The following CHSY1 variants were observed in gnomAD, a reference collection of about 807,000 sequenced individuals.
The protein encoded by CHSY1 is N-acetylgalactosaminyl-proteoglycan 3-beta-glucuronosyltransferase 1.
A neutral mutation model predicts 59.8 loss-of-function variants in CHSY1; 13 were observed. That is an observed-to-expected ratio of 0.22 (90% CI 0.14 to 0.35). The LOEUF (loss-of-function observed/expected upper bound fraction) is 0.35. Among genes scored for constraint, CHSY1 ranks in the 10% least tolerant of loss-of-function variants. The pLI is 1.00. For missense variants in CHSY1, 947 were observed against 1,030.6 expected, an observed-to-expected ratio of 0.92 and a Z score of 1.11; for synonymous variants, 459 against 401.2, an observed-to-expected ratio of 1.14 and a Z score of -1.72.
chr15:101,237,584 C>T (rs554754659), intron 1 of CHSY1, among the ~76,000 whole-genome samples: 4 of 152,128 alleles, frequency 2.6e-5, no homozygotes, highest in East Asian at 3.9e-4. Context: ...TGGTCAACTG[C>T]GAGGAAACCA....
At position 101,177,679 on chromosome 15, in the gene CHSY1, C is replaced by G. The variant is rs1348696066; in HGVS notation, c.2118G>C (p.Val706=). The change falls in exon 3 of 3, where the codon GTG becomes GTC. Residue 706 remains valine, a synonymous_variant. Coordinates refer to ENST00000254190, the MANE Select transcript of CHSY1 (RefSeq NM_014918.5). The part of the protein sequence containing the change: ...TCIYKGDLVR[V]GGFDVSIQGW... ...CTTGGATGGAAACATCAAAGCCACC[C>G]ACTCGGACAAGATCTCCCTTATAAA... 6.2e-7 allele frequency: 1 copy of G among 1,614,068 alleles called. No individual in the cohort carries two copies. The highest frequency in any genetic ancestry group is 1.3e-5 in the African/African-American group (1 of 74,916).
intron 2 of CHSY1, among the ~76,000 whole-genome samples, chr15:101,225,668 T>C (rs888991043): frequency 2.0e-5 from 3 of 152,170 alleles, no homozygotes; most frequent in East Asian, 3.9e-4. Flanking sequence ...CCTTCCACCA[T>C]GAGTAAAAGC....
intron 2 of CHSY1, among the ~76,000 whole-genome samples, chr15:101,219,655 C>T (rs79199984): frequency 0.036 from 5,410 of 152,222 alleles, 248 homozygotes; most frequent in African/African-American, 0.1. Flanking sequence ...TCTCAGGCTG[C>T]CACTGAGGTT....
intron 2 of CHSY1, among the ~76,000 whole-genome samples, chr15:101,223,282 T>C (rs1484037994): frequency 1.3e-5 from 2 of 152,200 alleles, no homozygotes; most frequent in Non-Finnish European, 2.9e-5. Context: ...TGAGCCACCA[T>C]GCCCGGCCAA....
In CHSY1 at chr15:101,193,060, C is replaced by A. The variant is rs201151203; in HGVS notation, c.817-14080G>T. On this transcript the variant is annotated intron_variant, in intron 2 of 2. Transcript: ENST00000254190. ...GTAATCCGACGAGGTAGCTCTGTTA[C>A]TGTGCACGTTTTACTTTCAGGGATA... is the stretch of plus-strand genomic sequence containing the variant. Among the ~76,000 whole-genome samples the A allele has an allele frequency of 4.6e-5, 7 of 152,352 alleles. No homozygotes were observed. In the East Asian group the frequency reaches 1.4e-3, roughly 29 times the overall value.
chr15:101,247,064 A>G (rs9672295), intron 1 of CHSY1, among the ~76,000 whole-genome samples: 47,827 of 152,120 alleles, frequency 0.31, 10,416 homozygotes, highest in African/African-American at 0.62. Flanking sequence ...TTATGTGTTA[A>G]CTTACAGAAC....
chr15:101,243,124 G>A (rs781314819), intron 1 of CHSY1, among the ~76,000 whole-genome samples: 7 of 152,092 alleles, frequency 4.6e-5, no homozygotes, highest in African/African-American at 7.2e-5. Flanking sequence ...AAGCCCAGAC[G>A]GCATTCCAAG....
At chr15:101,198,973 T>G (rs1050381976) in intron 2 of CHSY1, among the ~76,000 whole-genome samples, 13 of 152,086 alleles carry the variant, frequency 8.5e-5, no homozygotes, top group Non-Finnish European at 1.0e-4. Context: ...TTACTGGAGG[T>G]AAACCAGGCA....
intron 2 of CHSY1, among the ~76,000 whole-genome samples, chr15:101,183,653 G>A (rs2038311020): frequency 6.6e-6 from 1 of 152,210 alleles, no homozygotes; most frequent in African/African-American, 2.4e-5. Flanking sequence ...AGACGCATGG[G>A]CCAGAATGAC....
At chr15:101,219,129 T>G (rs2038764003) in intron 2 of CHSY1, among the ~76,000 whole-genome samples, 1 of 152,178 alleles carries the variant, frequency 6.6e-6, no homozygotes, top group Admixed American at 6.5e-5. Context: ...GAATGCAGTT[T>G]AAATGGGGTT....
intron 1 of CHSY1, among the ~76,000 whole-genome samples, chr15:101,243,719 C>A (rs1377575908): frequency 1.3e-5 from 2 of 152,234 alleles, no homozygotes; most frequent in South Asian, 4.1e-4. Context: ...GACTTGAAAA[C>A]CTGGACAAAA....
chr15:101,218,422 C>T (rs2038756437), intron 2 of CHSY1, among the ~76,000 whole-genome samples: 1 of 152,000 alleles, frequency 6.6e-6, no homozygotes, highest in African/African-American at 2.4e-5. Context: ...CATGGTGAAA[C>T]CCCGTCTCTA....
chr15:101,203,596 T>C (rs1262478259), intron 2 of CHSY1, among the ~76,000 whole-genome samples: 1 of 152,200 alleles, frequency 6.6e-6, no homozygotes, highest in African/African-American at 2.4e-5. Context: ...AATATTTCCC[T>C]ATAAGGTATT....
intron 1 of CHSY1, among the ~76,000 whole-genome samples, chr15:101,248,824 C>T (rs1021538306): frequency 6.6e-6 from 1 of 152,062 alleles, no homozygotes; most frequent in Admixed American, 6.5e-5. Flanking sequence ...TCTTGCTCTG[C>T]CCCCCAGGAT....
intron 2 of CHSY1, among the ~76,000 whole-genome samples, chr15:101,216,635 T>G (rs1038837478): frequency 6.6e-6 from 1 of 152,164 alleles, no homozygotes; most frequent in Non-Finnish European, 1.5e-5. Flanking sequence ...GAAAGAGCTA[T>G]GTATGGTATG....
chr15:101,187,176 T>C (rs1262068358), intron 2 of CHSY1, among the ~76,000 whole-genome samples: 1 of 152,174 alleles, frequency 6.6e-6, no homozygotes, highest in African/African-American at 2.4e-5. Flanking sequence ...GTAATGACAT[T>C]TTTGTTATAA....
intron 2 of CHSY1, among the ~76,000 whole-genome samples, chr15:101,223,286 C>T (rs1334382230): frequency 2.0e-5 from 3 of 152,188 alleles, no homozygotes; most frequent in Non-Finnish European, 2.9e-5. Flanking sequence ...CCACCATGCC[C>T]GGCCAACTAC....
At chr15:101,226,595 T>A (rs533398854) in intron 2 of CHSY1, among the ~76,000 whole-genome samples, 2 of 152,160 alleles carry the variant, frequency 1.3e-5, no homozygotes, top group East Asian at 1.9e-4. Flanking sequence ...GCCTCGTCAC[T>A]CCACTCATGC....
rs1001866321 is a variant in CHSY1, at chr15:101,235,439, G to A, written c.459C>T (p.Leu153=). The A allele has an allele frequency of 1.2e-6, 2 of 1,614,126 alleles. No homozygotes were observed. The highest frequency in any genetic ancestry group is 1.1e-5 in the South Asian group (1 of 91,080). The stretch of plus-strand genomic sequence containing the variant: ...CCAAGTAGTGGTCGTGCATGTACTT[G>A]AGCATCATGAAGGACTTCTTCTGGG... ...YPPQKKSFMM[L]KYMHDHYLDK... Residue 153 remains leucine (L), a synonymous_variant, in exon 2 of 3, where the codon CTC becomes CTT. Coordinates refer to ENST00000254190, the MANE Select transcript of CHSY1 (RefSeq NM_014918.5).
Sources: allele counts gnomAD v4.1 joint callset (sites outside exome capture counted in the v4.1 genomes callset), GRCh38; gene constraint gnomAD v4.1.1; transcripts MANE v1.5; gene names NCBI Gene and HGNC (gene_info 2026-07-23, HGNC 2026-07-21).